RIMOC1: variants seen among roughly 807,000 people sequenced by gnomAD.
The protein encoded by RIMOC1 is RAB7A-interacting MON1-CCZ1 complex subunit 1.
At chr5:41,917,205 A>G in the RIMOC1 span, 2 of 1,613,884 alleles carry the variant, frequency 1.2e-6, no homozygotes, top group Non-Finnish European at 8.5e-7. Context: ...TTGAAAAAGT[A>G]TGTATCTGTG....
chr5:41,904,417 A>G, the RIMOC1 span: 58 of 1,614,030 alleles, frequency 3.6e-5, no homozygotes, highest in Non-Finnish European at 4.7e-5. Flanking sequence ...GAGCTCGGGG[A>G]TCTGGCTCAG....
At chr5:41,904,715 G>A in the RIMOC1 span, among the ~76,000 whole-genome samples, 740 of 152,268 alleles carry the variant, frequency 4.9e-3, 5 homozygotes, top group African/African-American at 0.017. Context: ...GTCTAGATCC[G>A]TGCTGGTGTA....
At chr5:41,907,964 C>CA in the RIMOC1 span, 1 of 635,374 alleles carries the variant, frequency 1.6e-6, no homozygotes, top group Non-Finnish European at 2.6e-6. Flanking sequence ...TAATTTTGTC[C>CA]AAAAAACTAT....
chr5:41,912,287 T>A, the RIMOC1 span: 1 of 695,078 alleles, frequency 1.4e-6, no homozygotes, highest in Non-Finnish European at 2.5e-6. Context: ...CAAGGTAGAT[T>A]ATAGACAAAA....
chr5:41,905,504 A>T, the RIMOC1 span, among the ~76,000 whole-genome samples: 1 of 152,192 alleles, frequency 6.6e-6, no homozygotes, highest in Non-Finnish European at 1.5e-5. Flanking sequence ...TCCTGGGCTC[A>T]AGCATTCCAC....
the RIMOC1 span, chr5:41,919,689 C>T: frequency 1.3e-5 from 2 of 152,274 alleles, no homozygotes; most frequent in African/African-American, 4.8e-5. Context: ...CACATCATTA[C>T]TTCTGCATCC....
At chr5:41,904,602 C>T in the RIMOC1 span, 1 of 749,308 alleles carries the variant, frequency 1.3e-6, no homozygotes. Flanking sequence ...CGAGGTCTGT[C>T]GCTTCTGAGC....
chr5:41,912,637 A>G, the RIMOC1 span, among the ~76,000 whole-genome samples: 4 of 152,202 alleles, frequency 2.6e-5, no homozygotes, highest in African/African-American at 7.2e-5. Flanking sequence ...TGAGTGCAAG[A>G]AAAACTATCA....
the RIMOC1 span, chr5:41,917,456 T>A: frequency 1.5e-6 from 2 of 1,351,200 alleles, no homozygotes; most frequent in Non-Finnish European, 9.5e-7. Flanking sequence ...CATCACCATC[T>A]TTTTCATTAT....
chr5:41,917,645 A>G, the RIMOC1 span: 3 of 982,298 alleles, frequency 3.1e-6, no homozygotes, highest in East Asian at 1.0e-4. Context: ...TACCATTTTT[A>G]TCATCTTTAG....
the RIMOC1 span, chr5:41,907,861 A>C: frequency 3.3e-6 from 5 of 1,503,912 alleles, no homozygotes; most frequent in South Asian, 2.4e-5. Context: ...AGAGTGGTGG[A>C]CTCTGGCATT....
chr5:41,917,092 T>C, the RIMOC1 span: 1 of 1,613,870 alleles, frequency 6.2e-7, no homozygotes, highest in Non-Finnish European at 8.5e-7. Context: ...AGTATTGTGC[T>C]GATCAGCAAC....
At chr5:41,917,891 A>T in the RIMOC1 span, 1 of 808,286 alleles carries the variant, frequency 1.2e-6, no homozygotes, top group Non-Finnish European at 1.5e-6. Flanking sequence ...TACTTCCCTT[A>T]GGCATTTTAT....
At chr5:41,911,705 A>G in the RIMOC1 span, among the ~76,000 whole-genome samples, 1 of 152,314 alleles carries the variant, frequency 6.6e-6, no homozygotes, top group African/African-American at 2.4e-5. Context: ...TTTGATCATA[A>G]TATTTCTAAA....
the RIMOC1 span, among the ~76,000 whole-genome samples, chr5:41,910,688 C>T: frequency 1.3e-5 from 2 of 151,086 alleles, no homozygotes; most frequent in Non-Finnish European, 2.9e-5. Context: ...TATTTTATTC[C>T]AGCGGTAGTA....
chr5:41,918,320 ACTTC>A, the RIMOC1 span: 1 of 985,352 alleles, frequency 1.0e-6, no homozygotes, highest in Non-Finnish European at 1.2e-6. Flanking sequence ...CAGTTTTTTC[ACTTC>A]CTTATTTTAT....
the RIMOC1 span, chr5:41,920,465 C>T: frequency 6.6e-6 from 1 of 152,120 alleles, no homozygotes; most frequent in Non-Finnish European, 1.5e-5. Flanking sequence ...ATCCTAGACC[C>T]TGAGGATATA....
the RIMOC1 span, among the ~76,000 whole-genome samples, chr5:41,913,683 C>T: frequency 6.6e-6 from 1 of 152,172 alleles, no homozygotes; most frequent in Middle Eastern, 3.4e-3. Flanking sequence ...TGTTTTAATT[C>T]TTCCTGTTTC....
the RIMOC1 span, chr5:41,911,195 T>G: frequency 1.9e-6 from 3 of 1,585,830 alleles, no homozygotes; most frequent in Middle Eastern, 2.2e-4. Context: ...AAGACATTCC[T>G]TACACATTTT....
Sources: allele counts gnomAD v4.1 joint callset (sites outside exome capture counted in the v4.1 genomes callset), GRCh38; gene constraint gnomAD v4.1.1; transcripts MANE v1.5; gene names NCBI Gene and HGNC (gene_info 2026-07-23, HGNC 2026-07-21).